Variants in SLC25A48 observed in about 807,000 individuals in gnomAD.
SLC25A48 encodes the protein solute carrier family 25 member 48.
Under a neutral mutation model 32.2 loss-of-function variants are expected in SLC25A48, and 29 were observed. That is an observed-to-expected ratio of 0.90 (90% CI 0.67 to 1.23). The LOEUF (loss-of-function observed/expected upper bound fraction) is 1.23, where lower values mean the gene tolerates loss of function less well. Among genes scored for constraint, SLC25A48 ranks in the 50% most tolerant of loss-of-function variants. SLC25A48 has a pLI of 0.00. For missense variants in SLC25A48, 399 were observed against 422.7 expected, an observed-to-expected ratio of 0.94 and a Z score of 0.49; for synonymous variants, 164 against 172.3, an observed-to-expected ratio of 0.95 and a Z score of 0.38.
intron 3 of SLC25A48, among the ~76,000 whole-genome samples, chr5:135,712,000 C>T (rs1754678972): frequency 1.3e-5 from 2 of 152,038 alleles, no homozygotes; most frequent in South Asian, 2.1e-4. Flanking sequence ...GTTCTCCCAA[C>T]TTCTCGCAAG....
chr5:135,765,807 G>T (rs1756201774), intron 3 of SLC25A48, among the ~76,000 whole-genome samples: 1 of 151,648 alleles, frequency 6.6e-6, no homozygotes, highest in Admixed American at 6.6e-5. Flanking sequence ...ATTGCAGGGG[G>T]CATACACCTT....
At chr5:135,886,671 TGTGAGAGAGAGA>T (rs1230850308) in intron 7 of SLC25A48, among the ~76,000 whole-genome samples, 21 of 98,640 alleles carry the variant, frequency 2.1e-4, no homozygotes, top group African/African-American at 6.6e-4. Context: ...TGTGTGTGTG[TGTGAGAGAGAGA>T]GAGAGAGAGA....
At chr5:135,579,892 C>T (rs529777160) in intron 1 of SLC25A48, among the ~76,000 whole-genome samples, 1 of 152,312 alleles carries the variant, frequency 6.6e-6, no homozygotes, top group East Asian at 1.9e-4. Flanking sequence ...GAAATTCCCT[C>T]CTCACTACTT....
chr5:135,887,469 T>A (rs1762774960), intron 7 of SLC25A48, among the ~76,000 whole-genome samples: 1 of 151,914 alleles, frequency 6.6e-6, no homozygotes, highest in Admixed American at 6.6e-5. Context: ...TGTGTGTGTG[T>A]GTACATATAC....
chr5:135,592,509 A>T (rs929779913), intron 1 of SLC25A48, among the ~76,000 whole-genome samples: 2 of 152,182 alleles, frequency 1.3e-5, no homozygotes, highest in African/African-American at 4.8e-5. Context: ...ACCATTATAG[A>T]GAAGGGCGTG....
chr5:135,745,931 G>A (rs1755627971), intron 3 of SLC25A48, among the ~76,000 whole-genome samples: 1 of 152,212 alleles, frequency 6.6e-6, no homozygotes, highest in Non-Finnish European at 1.5e-5. Flanking sequence ...TCTGTGGTCA[G>A]TTATTGTCAC....
At position 135,775,228 on chromosome 5, in the gene SLC25A48, G is replaced by A. The variant is rs114780231; in HGVS notation, c.-520-37295G>A. Among the ~76,000 whole-genome samples the A allele has an allele frequency of 6.3e-3, 961 of 151,816 alleles. 10 individuals are homozygous for A. The highest frequency in any genetic ancestry group is 0.01 in the Middle Eastern group (3 of 294). ...CTTGTGATATTGTTTCTAACATATAGGGTGGGAGAGAATGATATTACTCCC... is the reference window on the plus strand; with the variant it reads ...CTTGTGATATTGTTTCTAACATATAAGGTGGGAGAGAATGATATTACTCCC... On this transcript the variant is annotated intron_variant, in intron 3 of 10. Transcript: ENST00000646290.
intron 3 of SLC25A48, among the ~76,000 whole-genome samples, chr5:135,669,730 A>C (rs890479194): frequency 6.6e-6 from 1 of 152,174 alleles, no homozygotes; most frequent in African/African-American, 2.4e-5. Flanking sequence ...GGAGACTCTG[A>C]GTTCTCAATG....
chr5:135,768,112 T>G (rs1756295023), intron 3 of SLC25A48, among the ~76,000 whole-genome samples: 1 of 141,360 alleles, frequency 7.1e-6, no homozygotes, highest in Non-Finnish European at 1.6e-5. Flanking sequence ...AATATCCAAG[T>G]GGTGAGAGAA....
In SLC25A48 at chr5:135,783,447, G is replaced by A. The variant is rs1290416246; in HGVS notation, c.-520-29076G>A. On this transcript the variant is annotated intron_variant, in intron 3 of 10. Transcript: ENST00000646290. Reference sequence around the variant, plus strand: ...TGTTTCTGATATCCAGGGGAAAAGAGCATGATATTATTCGCACTATTGCAG... The same window carrying A: ...TGTTTCTGATATCCAGGGGAAAAGAACATGATATTATTCGCACTATTGCAG... Among the ~76,000 whole-genome samples the A allele has an allele frequency of 2.3e-4, 27 of 115,206 alleles. 7 individuals carry two copies. Among genetic ancestry groups the A allele is most frequent in the Admixed American group, 2.1e-3 (24 of 11,344 alleles). The allele number at this position is 115,206 out of a possible 152,430, so 75.6% of individuals were successfully genotyped here.
intron 3 of SLC25A48, among the ~76,000 whole-genome samples, chr5:135,733,930 G>T (rs1432667197): frequency 6.6e-6 from 1 of 152,138 alleles, no homozygotes; most frequent in Non-Finnish European, 1.5e-5. Context: ...CCCTGGGGTG[G>T]ATAGGTAAAA....
intron 1 of SLC25A48, chr5:135,835,193 C>T (rs756153764): frequency 1.3e-5 from 8 of 613,646 alleles, no homozygotes; most frequent in African/African-American, 1.1e-4. Context: ...CCAATGGAGG[C>T]TCCTGGCGGC....
intron 4 of SLC25A48, among the ~76,000 whole-genome samples, chr5:135,857,120 A>T (rs1167167540): frequency 6.6e-6 from 1 of 152,224 alleles, no homozygotes; most frequent in East Asian, 1.9e-4. Flanking sequence ...GGTGTTTCCC[A>T]ATAAATACTT....
intron 3 of SLC25A48, among the ~76,000 whole-genome samples, chr5:135,760,682 C>G (rs535040711): frequency 6.6e-6 from 1 of 152,074 alleles, no homozygotes; most frequent in African/African-American, 2.4e-5. Context: ...CTAAGTCACC[C>G]GGGAAATTGA....
chr5:135,652,011 T>A (rs371169785), intron 3 of SLC25A48, among the ~76,000 whole-genome samples: 2 of 152,230 alleles, frequency 1.3e-5, no homozygotes, highest in South Asian at 4.1e-4. Flanking sequence ...AGATTAATAA[T>A]CAGACAAAAT....
intron 3 of SLC25A48, chr5:135,742,544 A>T: frequency 6.9e-7 from 1 of 1,458,980 alleles, no homozygotes; most frequent in South Asian, 1.2e-5. Context: ...CAATACCAAG[A>T]TTTTGTGTTT....
intron 3 of SLC25A48, among the ~76,000 whole-genome samples, chr5:135,754,788 A>G (rs1755855400): frequency 6.6e-6 from 1 of 151,938 alleles, no homozygotes. Context: ...GATATTAGTG[A>G]AATATCACTC....
At chr5:135,702,419 A>G (rs1005596207) in intron 3 of SLC25A48, among the ~76,000 whole-genome samples, 3 of 152,190 alleles carry the variant, frequency 2.0e-5, no homozygotes, top group Non-Finnish European at 2.9e-5. Flanking sequence ...AAGCCAAGGA[A>G]GGCTGAGGAT....
At chr5:135,856,221 G>A (rs1561537775) in intron 4 of SLC25A48, among the ~76,000 whole-genome samples, 1 of 152,160 alleles carries the variant, frequency 6.6e-6, no homozygotes, top group Non-Finnish European at 1.5e-5. Flanking sequence ...TGGAAAGGCT[G>A]GACCCATAGT....
Sources: gnomAD v4.1 joint callset for allele counts (sites outside exome capture counted in the v4.1 genomes callset) on GRCh38, gnomAD v4.1.1 for gene constraint, MANE v1.5 for transcripts, NCBI Gene and HGNC (gene_info 2026-07-23, HGNC 2026-07-21) for gene names.